Variants in CAMTA1 observed in about 807,000 individuals in gnomAD.
The protein encoded by CAMTA1 is calmodulin binding transcription activator 1.
CAMTA1 carries 27 observed loss-of-function variants against 170.9 expected under a neutral mutation model. That is an observed-to-expected ratio of 0.16 (90% CI 0.12 to 0.22). The LOEUF (loss-of-function observed/expected upper bound fraction) is 0.22, where lower values mean the gene tolerates loss of function less well. Among genes scored for constraint, CAMTA1 ranks in the 10% least tolerant of loss-of-function variants. The pLI, the probability that CAMTA1 is intolerant of heterozygous loss-of-function variation, is 1.00. For synonymous variants in CAMTA1, 833 were observed against 891.5 expected (o/e 0.93, Z 1.17); for missense variants, 1,619 against 2,217.2 (o/e 0.73, Z 5.42).
chr1:7,573,836 C>T (rs2095155668), intron 6 of CAMTA1, among the ~76,000 whole-genome samples: 1 of 152,110 alleles, frequency 6.6e-6, no homozygotes, highest in Non-Finnish European at 1.5e-5. Context: ...TGCAGTGGCG[C>T]CATCTTGGCT....
intron 3 of CAMTA1, among the ~76,000 whole-genome samples, chr1:6,855,232 A>G (rs1418593301): frequency 3.3e-5 from 5 of 152,140 alleles, no homozygotes; most frequent in African/African-American, 1.2e-4. Context: ...TCTGGATCCA[A>G]TCAGGAGAGA....
intron 5 of CAMTA1, among the ~76,000 whole-genome samples, chr1:7,352,256 CCCTCCAGTTATTGGGAACCTGGGCTT>C: frequency 6.6e-6 from 1 of 151,508 alleles, no homozygotes; most frequent in Non-Finnish European, 1.5e-5. Context: ...CATTGTTTTT[CCCTCCAGTTATTGGGAACCTGGGCTT>C]CCTGGGTCCT....
chr1:7,586,543 C>T (rs1396789800), intron 6 of CAMTA1, among the ~76,000 whole-genome samples: 1 of 152,148 alleles, frequency 6.6e-6, no homozygotes, highest in East Asian at 1.9e-4. Context: ...TGCTCCAGGG[C>T]CCAGGCCTAA....
chr1:7,695,080 C>G (rs957448513), intron 11 of CAMTA1, among the ~76,000 whole-genome samples: 10 of 152,194 alleles, frequency 6.6e-5, no homozygotes, highest in Admixed American at 3.3e-4. Flanking sequence ...TGGTCTGGGT[C>G]ACCCAGGAGA....
intron 4 of CAMTA1, among the ~76,000 whole-genome samples, chr1:7,231,759 C>T (rs1662882044): frequency 2.0e-5 from 3 of 152,232 alleles, no homozygotes; most frequent in Non-Finnish European, 2.9e-5. Context: ...GGGCCAAGCG[C>T]AGCCTCCCTC....
At chr1:7,596,475 G>A (rs942871832) in intron 6 of CAMTA1, among the ~76,000 whole-genome samples, 2 of 152,168 alleles carry the variant, frequency 1.3e-5, no homozygotes, top group Non-Finnish European at 2.9e-5. Flanking sequence ...GGCCGCAGGT[G>A]CCCACTTCCC....
At position 7,670,896 on chromosome 1, in the gene CAMTA1, C is replaced by T. The variant is rs771331219; in HGVS notation, c.2653-15C>T. On this transcript the variant is annotated splice_polypyrimidine_tract_variant and intron_variant, in intron 9 of 22. Transcript: ENST00000303635. ...GCTCACACTCCAACTCTGTTCCCCTCTCTGTTCTCTGCAGGGAGGAGTGAA... is the reference window on the plus strand; with the variant it reads ...GCTCACACTCCAACTCTGTTCCCCTTTCTGTTCTCTGCAGGGAGGAGTGAA... 12 of 1,613,150 alleles carry T rather than the reference C, an allele frequency of 7.4e-6. No individual in the cohort carries two copies. The East Asian group carries it at 2.7e-4, about 36-fold the overall frequency.
chr1:6,964,683 T>C (rs941990496), intron 3 of CAMTA1, among the ~76,000 whole-genome samples: 1 of 152,270 alleles, frequency 6.6e-6, no homozygotes, highest in African/African-American at 2.4e-5. Flanking sequence ...TTGTACACTT[T>C]TATAAGAAAT....
intron 5 of CAMTA1, among the ~76,000 whole-genome samples, chr1:7,411,365 C>T (rs2149260694): frequency 6.6e-6 from 1 of 152,172 alleles, no homozygotes; most frequent in South Asian, 2.1e-4. Context: ...TGGTGAAACC[C>T]CATGTCTACT....
chr1:7,091,996 A>C (rs1641528689), intron 4 of CAMTA1, among the ~76,000 whole-genome samples: 1 of 152,172 alleles, frequency 6.6e-6, no homozygotes. Flanking sequence ...GTTGGGACTT[A>C]GGGTTGATTT....
chr1:7,594,346 G>A (rs532199947), intron 6 of CAMTA1, among the ~76,000 whole-genome samples: 1 of 152,244 alleles, frequency 6.6e-6, no homozygotes, highest in East Asian at 1.9e-4. Context: ...GACCAGCCGG[G>A]GTAAAGGCAC....
intron 5 of CAMTA1, among the ~76,000 whole-genome samples, chr1:7,381,591 T>C (rs1286938736): frequency 4.0e-5 from 6 of 151,708 alleles, no homozygotes; most frequent in Admixed American, 2.0e-4. Flanking sequence ...TCTTTGCTAT[T>C]GTGAATAGTG....
At chr1:7,755,145 G>T (rs2096922466) in intron 21 of CAMTA1, among the ~76,000 whole-genome samples, 1 of 151,942 alleles carries the variant, frequency 6.6e-6, no homozygotes, top group Non-Finnish European at 1.5e-5. Context: ...GGCCGACATG[G>T]TGAAACCCTG....
chr1:6,860,964 C>CTT (rs1247559136), intron 3 of CAMTA1, among the ~76,000 whole-genome samples: 65 of 127,862 alleles, frequency 5.1e-4, no homozygotes, highest in Admixed American at 9.6e-4. Flanking sequence ...GTGTGACTTA[C>CTT]TTTTTTTTTT....
intron 3 of CAMTA1, among the ~76,000 whole-genome samples, chr1:6,828,982 C>T (rs1428592383): frequency 2.0e-5 from 3 of 150,996 alleles, no homozygotes; most frequent in African/African-American, 7.3e-5. Flanking sequence ...CTGCAACCTC[C>T]ACCCCTCAGG....
At chr1:7,182,373 T>C (rs1652355057) in intron 4 of CAMTA1, among the ~76,000 whole-genome samples, 3 of 151,746 alleles carry the variant, frequency 2.0e-5, no homozygotes, top group African/African-American at 7.3e-5. Flanking sequence ...AAACCCTGTC[T>C]CTACTAAAAA....
intron 3 of CAMTA1, among the ~76,000 whole-genome samples, chr1:6,838,307 C>T (rs1315057541): frequency 6.6e-6 from 1 of 152,150 alleles, no homozygotes; most frequent in Non-Finnish European, 1.5e-5. Flanking sequence ...CAAATGGATT[C>T]CCACAACCAC....
At chr1:7,538,460 G>C (rs1452370091) in intron 6 of CAMTA1, among the ~76,000 whole-genome samples, 1 of 152,222 alleles carries the variant, frequency 6.6e-6, no homozygotes, top group Non-Finnish European at 1.5e-5. Flanking sequence ...AGACCAGCCT[G>C]GGTAACATAG....
At chr1:7,199,153 G>A (rs1656149266) in intron 4 of CAMTA1, among the ~76,000 whole-genome samples, 1 of 85,732 alleles carries the variant, frequency 1.2e-5, no homozygotes, top group Non-Finnish European at 2.4e-5. Context: ...CTTGTTTACT[G>A]ATGCCCCCCC....
Sources: gnomAD v4.1 joint callset for allele counts (sites outside exome capture counted in the v4.1 genomes callset) on GRCh38, gnomAD v4.1.1 for gene constraint, MANE v1.5 for transcripts, NCBI Gene and HGNC (gene_info 2026-07-23, HGNC 2026-07-21) for gene names.